KLF8: variants seen among roughly 807,000 people sequenced by gnomAD.
KLF8 encodes the protein KLF transcription factor 8, also known as Krueppel-like factor 8.
In KLF8, 10 loss-of-function variants were observed where a neutral mutation model predicts 18.2. The ratio of observed to expected loss-of-function variants is 0.55; its 90% CI spans 0.34 to 0.93. The LOEUF is 0.93. KLF8 is among the 40% of genes least tolerant of loss of function. The pLI is 0.02. For missense variants in KLF8, 264 were observed against 277.9 expected (o/e 0.95, Z 0.36); for synonymous variants, 109 against 97.3 (o/e 1.12, Z -0.71).
At chrX:56,030,612 A>G in the KLF8 span, among the ~76,000 whole-genome samples, 2 of 109,571 alleles carry the variant, frequency 1.8e-5, no homozygotes, top group African/African-American at 6.7e-5. Flanking sequence ...TCTCAGGGGC[A>G]TTTGTGTTCC....
the KLF8 span, among the ~76,000 whole-genome samples, chrX:56,153,356 G>GAAA: frequency 9.2e-4 from 91 of 99,105 alleles, no homozygotes; most frequent in African/African-American, 3.1e-3. Context: ...CTCATCTCAA[G>GAAA]AAAAAAAAAA....
intron 1 of KLF8, among the ~76,000 whole-genome samples, chrX:56,237,322 CCTT>C: frequency 9.1e-6 from 1 of 109,306 alleles, no homozygotes; most frequent in Non-Finnish European, 1.9e-5. Context: ...CACTTTCATG[CCTT>C]CTTCTAAGTG....
At chrX:56,233,531 G>A (rs2066429386) in intron 1 of KLF8, among the ~76,000 whole-genome samples, 190 bp downstream of exon 1, 1 of 112,059 alleles carries the variant, frequency 8.9e-6, no homozygotes, top group Admixed American at 9.4e-5. Context: ...TAAAGGGCTG[G>A]GCAAAGAAAG....
At chrX:55,942,345 C>T in the KLF8 span, among the ~76,000 whole-genome samples, 38 of 108,871 alleles carry the variant, frequency 3.5e-4, no homozygotes, top group Admixed American at 3.0e-4. Context: ...AGAAGGGGAA[C>T]ATCACACACC....
the KLF8 span, among the ~76,000 whole-genome samples, chrX:56,058,304 A>ATATG: frequency 1.3e-5 from 1 of 77,231 alleles, no homozygotes; most frequent in Admixed American, 1.5e-4. Flanking sequence ...ATATATATAT[A>ATATG]TATATATATA....
At chrX:55,980,885 A>G in the KLF8 span, among the ~76,000 whole-genome samples, 1 of 112,205 alleles carries the variant, frequency 8.9e-6, no homozygotes, top group African/African-American at 3.2e-5. Context: ...TACCGTTTGA[A>G]GTCTGAGGTA....
chrX:56,159,379 T>A, the KLF8 span, among the ~76,000 whole-genome samples: 1 of 112,586 alleles, frequency 8.9e-6, no homozygotes, highest in African/African-American at 3.2e-5. Flanking sequence ...CAGGCTTTTG[T>A]ATCAGGATGA....
At chrX:56,114,145 T>C in the KLF8 span, among the ~76,000 whole-genome samples, 1 of 112,179 alleles carries the variant, frequency 8.9e-6, no homozygotes, top group East Asian at 2.8e-4. Context: ...CTGTCCATGA[T>C]TGGTCACAGC....
the KLF8 span, among the ~76,000 whole-genome samples, chrX:56,057,437 A>G: frequency 9.0e-6 from 1 of 111,530 alleles, no homozygotes; most frequent in Admixed American, 9.5e-5. Context: ...ATGCCCACGT[A>G]CACACTTGTC....
the KLF8 span, among the ~76,000 whole-genome samples, chrX:55,952,866 T>G: frequency 4.5e-5 from 5 of 111,945 alleles, no homozygotes; most frequent in African/African-American, 1.6e-4. Flanking sequence ...AATGCATTAA[T>G]GCCATTATCT....
the KLF8 span, among the ~76,000 whole-genome samples, chrX:55,941,256 A>G: frequency 8.9e-6 from 1 of 112,355 alleles, no homozygotes; most frequent in South Asian, 3.7e-4. Context: ...CCTGACAAAA[A>G]CAAGTAATGG....
chrX:56,162,602 G>T, the KLF8 span, among the ~76,000 whole-genome samples: 1 of 112,004 alleles, frequency 8.9e-6, no homozygotes, highest in Non-Finnish European at 1.9e-5. Context: ...TGTGCCATTT[G>T]CTAAGCCCAT....
the KLF8 span, among the ~76,000 whole-genome samples, chrX:55,910,265 G>A: frequency 8.9e-6 from 1 of 111,810 alleles, no homozygotes; most frequent in African/African-American, 3.3e-5. Flanking sequence ...AATCTACTCT[G>A]TATCATCACC....
chrX:56,191,842 C>A, the KLF8 span, among the ~76,000 whole-genome samples: 2 of 110,951 alleles, frequency 1.8e-5, no homozygotes, highest in South Asian at 7.5e-4. Flanking sequence ...CTAATAAAAG[C>A]CATATATGAC....
chrX:56,101,159 C>A, the KLF8 span, among the ~76,000 whole-genome samples: 1 of 111,471 alleles, frequency 9.0e-6, no homozygotes, highest in African/African-American at 3.3e-5. Flanking sequence ...GTCTGTTGTT[C>A]CCATCTTTAT....
At chrX:56,113,913 G>C in the KLF8 span, among the ~76,000 whole-genome samples, 1 of 111,098 alleles carries the variant, frequency 9.0e-6, no homozygotes, top group Non-Finnish European at 1.9e-5. Flanking sequence ...GCTGTGCTGG[G>C]GGGAATCCCA....
chrX:56,262,724 A>G (rs908514516), intron 2 of KLF8, among the ~76,000 whole-genome samples: 44 of 110,627 alleles, frequency 4.0e-4, no homozygotes, highest in Non-Finnish European at 4.5e-4. Context: ...GAGGGCAGTG[A>G]CAATCCTCCT....
chrX:56,251,654 G>T (rs1400438000), intron 2 of KLF8, among the ~76,000 whole-genome samples: 2 of 109,744 alleles, frequency 1.8e-5, no homozygotes, highest in African/African-American at 6.6e-5. Flanking sequence ...GTAGGGACAG[G>T]GTTTCACCAT....
the KLF8 span, among the ~76,000 whole-genome samples, chrX:55,958,414 G>A: frequency 3.6e-5 from 4 of 111,819 alleles, no homozygotes; most frequent in Non-Finnish European, 7.5e-5. Context: ...CCTTTAATCA[G>A]TCATATTTTA....
Sources: allele counts gnomAD v4.1 joint callset (sites outside exome capture counted in the v4.1 genomes callset), GRCh38; gene constraint gnomAD v4.1.1; transcripts MANE v1.5; gene names NCBI Gene and HGNC (gene_info 2026-07-23, HGNC 2026-07-21).